Variants in RBFOX1 observed in about 807,000 individuals in gnomAD.
RBFOX1 encodes the protein RNA binding fox-1 homolog 1, also known as RNA binding protein fox-1 homolog 1.
A neutral mutation model predicts 57.7 loss-of-function variants in RBFOX1; 8 were observed. The ratio of observed to expected loss-of-function variants is 0.14; its 90% CI spans 0.08 to 0.25. The LOEUF (loss-of-function observed/expected upper bound fraction) is 0.25. Among genes scored for constraint, RBFOX1 ranks in the 10% least tolerant of loss-of-function variants. The probability of loss-of-function intolerance (pLI) is 1.00; values close to 1 mark genes in which losing one functional copy is unlikely to be tolerated. For synonymous variants in RBFOX1, 326 were observed against 222.4 expected (o/e 1.47, Z -4.15); for missense variants, 611 against 548.5 (o/e 1.11, Z -1.14).
intron 3 of RBFOX1, among the ~76,000 whole-genome samples, chr16:6,847,068 G>T (rs1470654238): frequency 6.6e-6 from 1 of 152,140 alleles, no homozygotes; most frequent in Non-Finnish European, 1.5e-5. Flanking sequence ...CTTGTAAAGT[G>T]AAGCATCTTT....
intron 3 of RBFOX1, among the ~76,000 whole-genome samples, chr16:6,864,686 C>G (rs770843867): frequency 2.6e-5 from 4 of 151,818 alleles, no homozygotes; most frequent in Non-Finnish European, 4.4e-5. Context: ...CTTTTAAAGC[C>G]TTTCAATAAT....
chr16:7,016,206 A>G (rs1302395639), intron 3 of RBFOX1, among the ~76,000 whole-genome samples: 2 of 152,170 alleles, frequency 1.3e-5, no homozygotes, highest in Non-Finnish European at 2.9e-5. Flanking sequence ...AGATCAGGAA[A>G]TCGCCATCAA....
intron 1 of RBFOX1, among the ~76,000 whole-genome samples, chr16:5,258,986 C>G (rs1206694182): frequency 4.6e-5 from 7 of 152,036 alleles, no homozygotes; most frequent in African/African-American, 1.7e-4. Context: ...GCCCCTGCTC[C>G]TTAATGTTAG....
Position 5,641,134 on chromosome 16 carries a change from A to G in RBFOX1, c.318+42173A>G, listed in dbSNP as rs537860410. Among the ~76,000 whole-genome samples, 3 of 151,218 alleles carry G rather than the reference A, an allele frequency of 2.0e-5. No individual in the cohort carries two copies. The South Asian group carries it at 6.3e-4, about 32-fold the overall frequency. ...TACACACACATGCATACACACATGC[A>G]CACCATGAATACACACACATGCATG... On this transcript the variant is annotated intron_variant, in intron 3 of 19. Transcript: ENST00000641259.
intron 2 of RBFOX1, among the ~76,000 whole-genome samples, chr16:5,481,216 T>G (rs1439223968): frequency 1.3e-5 from 2 of 152,216 alleles, no homozygotes; most frequent in African/African-American, 2.4e-5. Context: ...GCTTCCTCAT[T>G]AGACTGGTGT....
At chr16:6,538,899 T>G (rs1483619114) in intron 2 of RBFOX1, among the ~76,000 whole-genome samples, 1 of 152,152 alleles carries the variant, frequency 6.6e-6, no homozygotes, top group East Asian at 1.9e-4. Context: ...CTCTTTCCAG[T>G]GATTTTACCA....
intron 3 of RBFOX1, among the ~76,000 whole-genome samples, chr16:7,021,302 C>A (rs560884678): frequency 0.013 from 1,873 of 148,780 alleles, 25 homozygotes; most frequent in African/African-American, 0.031. Context: ...TTCTCTCTCT[C>A]TCTATATATA....
intron 3 of RBFOX1, among the ~76,000 whole-genome samples, chr16:7,018,408 C>T (rs554822381): frequency 6.6e-6 from 1 of 152,040 alleles, no homozygotes; most frequent in African/African-American, 2.4e-5. Context: ...ATTGTGTGTG[C>T]GTGGGTGTTC....
At chr16:7,056,332 A>G (rs1323349460) in intron 4 of RBFOX1, among the ~76,000 whole-genome samples, 2 of 152,166 alleles carry the variant, frequency 1.3e-5, no homozygotes, top group African/African-American at 4.8e-5. Flanking sequence ...GTCAATCTAG[A>G]GTAGACTGAG....
intron 14 of RBFOX1, among the ~76,000 whole-genome samples, chr16:7,707,734 C>T (rs753721693): frequency 6.6e-6 from 1 of 152,170 alleles, no homozygotes; most frequent in Non-Finnish European, 1.5e-5. Flanking sequence ...ATTAAAAAGC[C>T]AACCCACTTG....
In RBFOX1 at chr16:6,803,436, C is replaced by A. The variant is rs144788863; in HGVS notation, c.-16+148786C>A. On this transcript the variant is annotated intron_variant, in intron 3 of 15. Coordinates refer to ENST00000550418, the MANE Select transcript of RBFOX1 (RefSeq NM_018723.4). ...GGAGAAAGTGAGAGTGGCGTTCTGG[C>A]CTTGGAAAAACAAACATTTGTTATT... 2.1e-3 allele frequency among the ~76,000 whole-genome samples: 314 copies of A among 152,232 alleles called. 2 individuals are homozygous for A. Among genetic ancestry groups the A allele is most frequent in the African/African-American group, 7.3e-3 (305 of 41,542 alleles).
chr16:6,676,980 A>G (rs1045482531), intron 3 of RBFOX1, among the ~76,000 whole-genome samples: 29 of 151,996 alleles, frequency 1.9e-4, no homozygotes, highest in African/African-American at 6.3e-4. Context: ...CCAGCCGTTA[A>G]CTCAACTTTC....
chr16:7,543,997 G>C (rs1003850799), intron 5 of RBFOX1, among the ~76,000 whole-genome samples: 2 of 152,184 alleles, frequency 1.3e-5, no homozygotes, highest in African/African-American at 4.8e-5. Flanking sequence ...GGGATTATAG[G>C]CGTAAGCCAC....
At chr16:5,361,311 C>G (rs926705827) in intron 1 of RBFOX1, among the ~76,000 whole-genome samples, 5 of 152,112 alleles carry the variant, frequency 3.3e-5, no homozygotes, top group Non-Finnish European at 7.4e-5. Flanking sequence ...CAGTTCTTGG[C>G]CCCAGAAATA....
chr16:7,288,705 A>G (rs187527086), intron 4 of RBFOX1, among the ~76,000 whole-genome samples: 401 of 152,260 alleles, frequency 2.6e-3, no homozygotes, highest in South Asian at 6.4e-3. Flanking sequence ...GCCAGGCATG[A>G]TGGCACATGC....
At chr16:6,758,922 G>A (rs1384208130) in intron 3 of RBFOX1, among the ~76,000 whole-genome samples, 2 of 151,994 alleles carry the variant, frequency 1.3e-5, no homozygotes, top group Admixed American at 6.6e-5. Context: ...GAGTCGGGGG[G>A]GAAAGAGTTT....
intron 4 of RBFOX1, among the ~76,000 whole-genome samples, chr16:7,175,240 C>T (rs1424104959): frequency 1.3e-5 from 2 of 152,014 alleles, no homozygotes; most frequent in African/African-American, 2.4e-5. Flanking sequence ...TGTTGTTCCT[C>T]TCCCTGTGCC....
intron 2 of RBFOX1, among the ~76,000 whole-genome samples, chr16:6,435,078 C>T (rs2094197000): frequency 6.6e-6 from 1 of 152,208 alleles, no homozygotes; most frequent in African/African-American, 2.4e-5. Flanking sequence ...CTGCAATACA[C>T]TCAATCTATA....
chr16:5,305,454 C>T (rs1234401554), intron 1 of RBFOX1, among the ~76,000 whole-genome samples: 12 of 152,118 alleles, frequency 7.9e-5, no homozygotes. Flanking sequence ...GTTTTCATCT[C>T]ATCTCTATAA....
Sources: gnomAD v4.1 joint callset for allele counts (sites outside exome capture counted in the v4.1 genomes callset) on GRCh38, gnomAD v4.1.1 for gene constraint, MANE v1.5 for transcripts, NCBI Gene and HGNC (gene_info 2026-07-23, HGNC 2026-07-21) for gene names.